The following RAB31 variants were observed in gnomAD, a reference collection of about 807,000 sequenced individuals.
The protein encoded by RAB31 is ras-related protein Rab-31.
A neutral mutation model predicts 25.6 loss-of-function variants in RAB31; 21 were observed. The ratio of observed to expected loss-of-function variants is 0.82; its 90% CI spans 0.58 to 1.18. RAB31 has a LOEUF of 1.18. RAB31 is among the 50% of genes most tolerant of loss of function. The pLI is 0.00. For synonymous variants in RAB31, 87 were observed against 84.0 expected, an observed-to-expected ratio of 1.04 and a Z score of -0.20; for missense variants, 196 against 250.1, an observed-to-expected ratio of 0.78 and a Z score of 1.46.
At chr18:9,855,660 C>T (rs1186141852) in intron 6 of RAB31, among the ~76,000 whole-genome samples, 1 of 152,074 alleles carries the variant, frequency 6.6e-6, no homozygotes, top group Non-Finnish European at 1.5e-5. Context: ...GGTGCAGGCT[C>T]CCTTCTCCTT....
chr18:9,806,349 G>C (rs531064605), intron 3 of RAB31, among the ~76,000 whole-genome samples: 105 of 152,246 alleles, frequency 6.9e-4, no homozygotes, highest in African/African-American at 2.2e-3. Flanking sequence ...TCCTTGCTAT[G>C]GTCCAGATAG....
intron 5 of RAB31, among the ~76,000 whole-genome samples, chr18:9,819,513 G>A (rs556623217): frequency 5.3e-5 from 8 of 152,074 alleles, no homozygotes; most frequent in Non-Finnish European, 8.8e-5. Context: ...GTCCTTCAAC[G>A]TTGTTCTCTT....
chr18:9,830,045 A>T (rs2068669679), intron 5 of RAB31, among the ~76,000 whole-genome samples: 1 of 151,866 alleles, frequency 6.6e-6, no homozygotes, highest in Non-Finnish European at 1.5e-5. Context: ...ATAGGGTCTT[A>T]CGTAGTTGCC....
At chr18:9,834,768 G>A (rs529174769) in intron 5 of RAB31, among the ~76,000 whole-genome samples, 21 of 152,304 alleles carry the variant, frequency 1.4e-4, no homozygotes, top group Admixed American at 8.5e-4. Context: ...ATTAAACAGA[G>A]TGGTTTAATC....
At chr18:9,754,262 G>A (rs991316622) in intron 1 of RAB31, among the ~76,000 whole-genome samples, 1 of 152,094 alleles carries the variant, frequency 6.6e-6, no homozygotes, top group Non-Finnish European at 1.5e-5. Flanking sequence ...AATTGTGTCT[G>A]TACTGAACAA....
intron 5 of RAB31, among the ~76,000 whole-genome samples, chr18:9,824,206 A>T (rs1394447753): frequency 1.3e-5 from 2 of 149,772 alleles, no homozygotes; most frequent in African/African-American, 4.9e-5. Flanking sequence ...GTGGATGTAG[A>T]TGTGTTTGTA....
chr18:9,762,213 A>T (rs1449622233), intron 1 of RAB31, among the ~76,000 whole-genome samples: 1 of 152,182 alleles, frequency 6.6e-6, no homozygotes, highest in African/African-American at 2.4e-5. Flanking sequence ...GGGAGTGAAT[A>T]CTGGGAGGCG....
chr18:9,807,710 A>G (rs759013724), intron 3 of RAB31, among the ~76,000 whole-genome samples: 4 of 152,066 alleles, frequency 2.6e-5, no homozygotes, highest in East Asian at 1.9e-4. Context: ...GCAGTGGCTC[A>G]TGCCTTTAAT....
intron 5 of RAB31, among the ~76,000 whole-genome samples, chr18:9,840,981 G>A (rs183954728): frequency 2.5e-3 from 373 of 152,216 alleles, no homozygotes; most frequent in Non-Finnish European, 3.5e-3. Context: ...AAGCGAGAGT[G>A]CAGTGGTACA....
intron 1 of RAB31, among the ~76,000 whole-genome samples, chr18:9,741,245 G>A (rs2068177300): frequency 6.6e-6 from 1 of 151,644 alleles, no homozygotes; most frequent in South Asian, 2.1e-4. Context: ...GTGTGGTGGC[G>A]GGCACCTATA....
intron 1 of RAB31, among the ~76,000 whole-genome samples, chr18:9,727,272 G>A (rs1229877443): frequency 6.6e-6 from 1 of 152,214 alleles, no homozygotes; most frequent in Non-Finnish European, 1.5e-5. Flanking sequence ...AGTGTCTTCA[G>A]AGGCCTTGTA....
In RAB31 at chr18:9,860,859, T is replaced by G. The variant is rs981740840; in HGVS notation, c.*1534T>G. On this transcript the variant is annotated 3_prime_UTR_variant, in exon 7 of 7. Coordinates refer to ENST00000578921, the MANE Select transcript of RAB31 (RefSeq NM_006868.4). ...CTTCAGTAACTCAGCACGCTTCCAC[T>G]TCACTCAACTTAAGAGAGTTCATTG... 2 of 152,188 alleles carry G rather than the reference T, an allele frequency of 1.3e-5. No homozygotes were observed. Among genetic ancestry groups the G allele is most frequent in the African/African-American group, 4.8e-5 (2 of 41,446 alleles). 9.4% of individuals were successfully genotyped at this position (152,188 alleles called of 1,614,324 possible). A position where few individuals can be genotyped will look rare whatever the true frequency, so the allele number is the denominator to read the frequency against.
intron 2 of RAB31, among the ~76,000 whole-genome samples, chr18:9,780,236 G>T (rs1207795543): frequency 6.6e-6 from 1 of 150,578 alleles, no homozygotes; most frequent in Non-Finnish European, 1.5e-5. Flanking sequence ...CAGAATTCAT[G>T]AAACTAGGAA....
chr18:9,839,109 G>C (rs558417585), intron 5 of RAB31, among the ~76,000 whole-genome samples: 2 of 152,332 alleles, frequency 1.3e-5, no homozygotes, highest in Non-Finnish European at 2.9e-5. Flanking sequence ...TTTGAACAGA[G>C]AGACAGCTTC....
At chr18:9,849,530 C>G (rs1201540650) in intron 6 of RAB31, 1 of 152,344 alleles carries the variant, frequency 6.6e-6, no homozygotes, top group Non-Finnish European at 1.5e-5. Flanking sequence ...ATGCTAGACC[C>G]TGGGGACAGC....
intron 6 of RAB31, chr18:9,856,004 G>A (rs1437441502): frequency 6.6e-6 from 1 of 152,148 alleles, no homozygotes; most frequent in East Asian, 1.9e-4. Context: ...ACAAAGGAAG[G>A]CTCGGAGGTT....
intron 1 of RAB31, among the ~76,000 whole-genome samples, chr18:9,736,048 G>A (rs1207689280): frequency 6.6e-6 from 1 of 151,886 alleles, no homozygotes; most frequent in Admixed American, 6.6e-5. Context: ...GGTTGCCCCG[G>A]CTGGTCTGGA....
chr18:9,755,698 G>T (rs914273799), intron 1 of RAB31, among the ~76,000 whole-genome samples: 2 of 152,212 alleles, frequency 1.3e-5, no homozygotes, highest in Non-Finnish European at 2.9e-5. Context: ...GTTACCAGGA[G>T]GTTTGTCCAC....
At chr18:9,770,777 G>A (rs747808464) in intron 1 of RAB31, among the ~76,000 whole-genome samples, 14 of 151,984 alleles carry the variant, frequency 9.2e-5, no homozygotes, top group Admixed American at 6.5e-5. Flanking sequence ...AGCCTGTCAG[G>A]CTATGAGTAA....
Sources: allele counts gnomAD v4.1 joint callset (sites outside exome capture counted in the v4.1 genomes callset), GRCh38; gene constraint gnomAD v4.1.1; transcripts MANE v1.5; gene names NCBI Gene and HGNC (gene_info 2026-07-23, HGNC 2026-07-21).